The following DYNC1LI1 variants were observed in gnomAD, a reference collection of about 807,000 sequenced individuals.
DYNC1LI1 encodes dynein cytoplasmic 1 light intermediate chain 1.
A neutral mutation model predicts 63.8 loss-of-function variants in DYNC1LI1; 19 were observed. The ratio of observed to expected loss-of-function variants is 0.30; its 90% CI spans 0.21 to 0.44. The LOEUF (loss-of-function observed/expected upper bound fraction) is 0.44. DYNC1LI1 is among the 20% of genes least tolerant of loss of function. The pLI is 1.00. For synonymous variants in DYNC1LI1, 225 were observed against 232.3 expected (o/e 0.97, Z 0.28); for missense variants, 565 against 630.2 (o/e 0.90, Z 1.11).
At chr3:32,537,886 T>TAA (rs1371604922) in intron 5 of DYNC1LI1, among the ~76,000 whole-genome samples, 1 of 99,948 alleles carries the variant, frequency 1.0e-5, no homozygotes, top group Non-Finnish European at 1.8e-5. Context: ...TATATATATA[T>TAA]AATTTATATA....
chr3:32,555,789 AC>A (rs1418147244), intron 2 of DYNC1LI1, among the ~76,000 whole-genome samples: 1 of 152,240 alleles, frequency 6.6e-6, no homozygotes, highest in African/African-American at 2.4e-5. Context: ...GATATCTGCA[AC>A]TTACACTGAA....
At chr3:32,550,022 G>C (rs766134693) in intron 2 of DYNC1LI1, among the ~76,000 whole-genome samples, 1 of 152,130 alleles carries the variant, frequency 6.6e-6, no homozygotes, top group Non-Finnish European at 1.5e-5. Context: ...CTCTGATGGC[G>C]ATATTATGAG....
rs777014647 is a variant in DYNC1LI1 at position 32,533,005 on chromosome 3, G to A, written c.1061C>T (p.Thr354Ile). Residue 354 changes from threonine (T) to isoleucine (I), a missense_variant, in exon 8 of 13, where the codon ACT becomes ATT. By Grantham distance (89) the Thr-to-Ile change is moderately conservative (BLOSUM62 -1). Coordinates refer to ENST00000273130, the MANE Select transcript of DYNC1LI1 (RefSeq NM_016141.4). ...KAEDNFEDII[T>I]KPPVRKFVHE... ...GGTTACCTTTCGAACAGGTGGTTTA[G>A]TTATGATGTCTTCAAAATTATCTTC... 6.9e-6 allele frequency: 11 copies of A among 1,592,190 alleles called. No individual in the cohort carries two copies. In the South Asian group the frequency reaches 1.2e-4, roughly 17 times the overall value.
intron 2 of DYNC1LI1, among the ~76,000 whole-genome samples, chr3:32,567,531 TTTA>T (rs71295031): frequency 0.13 from 19,483 of 148,024 alleles, 1,322 homozygotes; most frequent in East Asian, 0.24. Flanking sequence ...TTTTATTTTA[TTTA>T]TTATTATTAT....
rs373301679 is a variant in DYNC1LI1, at chr3:32,545,801, T to C, written c.337+48A>G. 13 of 1,274,430 alleles carry C rather than the reference T, an allele frequency of 1.0e-5. No homozygotes were observed. In the African/African-American group the frequency reaches 1.3e-4, roughly 13 times the overall value. 78.9% of individuals were successfully genotyped at this position (1,274,430 alleles called of 1,614,324 possible). A position where few individuals can be genotyped will look rare whatever the true frequency, so the allele number is the denominator to read the frequency against. ...AATCAAAGACTAATGTGAATGGCAGTGCACCTCAAAATAGACTTCAGAAAT... is the reference window on the plus strand; with the variant it reads ...AATCAAAGACTAATGTGAATGGCAGCGCACCTCAAAATAGACTTCAGAAAT... On this transcript the variant is annotated intron_variant, in intron 3 of 12. Transcript: ENST00000273130.
chr3:32,542,992 A>G (rs546587535), intron 4 of DYNC1LI1, among the ~76,000 whole-genome samples: 1 of 152,316 alleles, frequency 6.6e-6, no homozygotes, highest in African/African-American at 2.4e-5. Flanking sequence ...AAATTTTATC[A>G]TGCACCAGAA....
At chr3:32,534,030 C>T (rs893984790) in intron 7 of DYNC1LI1, among the ~76,000 whole-genome samples, 1 of 152,006 alleles carries the variant, frequency 6.6e-6, no homozygotes, top group Non-Finnish European at 1.5e-5. Context: ...GTGTGCACCA[C>T]CACACCCGGG....
intron 7 of DYNC1LI1, among the ~76,000 whole-genome samples, chr3:32,533,416 G>T (rs1172021660): frequency 6.6e-6 from 1 of 152,180 alleles, no homozygotes; most frequent in African/African-American, 2.4e-5. Flanking sequence ...GGCAGGAGCT[G>T]AAGTGAGCCG....
chr3:32,532,029 A>T (rs986604944), intron 8 of DYNC1LI1: 2 of 152,182 alleles, frequency 1.3e-5, no homozygotes, highest in Non-Finnish European at 2.9e-5. Context: ...AGGGATAGTC[A>T]ATTTATTTAT....
intron 2 of DYNC1LI1, among the ~76,000 whole-genome samples, chr3:32,558,495 TC>T (rs1698146613): frequency 6.6e-6 from 1 of 151,300 alleles, no homozygotes; most frequent in Admixed American, 6.6e-5. Context: ...CTGCTTTATC[TC>T]CCTGATAGAT....
chr3:32,570,820 C>T lies in DYNC1LI1; in HGVS notation c.-50G>A, dbSNP rs1248847063. On this transcript the variant is annotated 5_prime_UTR_variant, in exon 1 of 13. Coordinates refer to ENST00000273130, the MANE Select transcript of DYNC1LI1 (RefSeq NM_016141.4). ...CGGCAAGACTAAATGTGCGAGGCGG[C>T]TGAGGCGGTGGCGGTGGAGGCGGCG... 4 of 1,563,182 alleles carry T rather than the reference C, an allele frequency of 2.6e-6. No homozygotes were observed. Among genetic ancestry groups the T allele is most frequent in the South Asian group, 1.2e-5 (1 of 86,542 alleles).
Position 32,530,441 on chromosome 3 carries a change from C to T in DYNC1LI1, c.1140+20G>A. 6.2e-7 allele frequency: 1 copy of T among 1,611,478 alleles called. No individual in the cohort carries two copies. On this transcript the variant is annotated intron_variant, in intron 9 of 12. Transcript: ENST00000273130. ...TTACCCATTAACCATACTAAGTCTGCTTCTGATATAATTTCATACCTGTAG... is the reference window on the plus strand; with the variant it reads ...TTACCCATTAACCATACTAAGTCTGTTTCTGATATAATTTCATACCTGTAG...
chr3:32,537,201 A>G, intron 5 of DYNC1LI1, 97 bp from the exon 6 acceptor site: 1 of 624,102 alleles, frequency 1.6e-6, no homozygotes, highest in Admixed American at 3.7e-5. Context: ...GAACATCATA[A>G]AAGTACCACT....
chr3:32,530,229 A>C, intron 10 of DYNC1LI1, 55 bp downstream of exon 10: 1 of 1,411,856 alleles, frequency 7.1e-7, no homozygotes, highest in Non-Finnish European at 9.6e-7. Flanking sequence ...ATAAAAAATA[A>C]CTAAAATAAT....
rs1193495010 is a variant in DYNC1LI1, at chr3:32,533,032, G to A, written c.1034C>T (p.Ala345Val). The A allele has an allele frequency of 1.2e-6, 2 of 1,601,374 alleles. No individual in the cohort carries two copies. The highest frequency in any genetic ancestry group is 1.7e-6 in the Non-Finnish European group (2 of 1,176,698). ...TATGATGTCTTCAAAATTATCTTCT[G>A]CTTTTAATGTTTGAAAATTTTCATG... ...ILHENFQTLK[A>V]EDNFEDIITK... is the part of the protein sequence containing the mutation. The change falls in exon 8 of 13, where the codon GCA becomes GTA. Residue 345 changes from alanine (A) to valine (V), a missense_variant. By Grantham distance (64) the Ala-to-Val change is moderately conservative. Coordinates refer to ENST00000273130, the MANE Select transcript of DYNC1LI1 (RefSeq NM_016141.4).
At chr3:32,552,092 A>G (rs1311825675) in intron 2 of DYNC1LI1, among the ~76,000 whole-genome samples, 2 of 152,182 alleles carry the variant, frequency 1.3e-5, no homozygotes, top group East Asian at 3.9e-4. Context: ...TGACTTACAT[A>G]ATTAATATAA....
chr3:32,526,846 CTG>C lies in DYNC1LI1; in HGVS notation c.1523_1524del (p.Thr508SerfsTer70). On this transcript the variant is annotated frameshift_variant, in exon 13 of 13. Coordinates refer to ENST00000273130, the MANE Select transcript of DYNC1LI1 (RefSeq NM_016141.4). LOFTEE classifies it high-confidence loss of function. ...GGAGATGTAGGTGTTGTGGGAGAAACTGTAACTGGTTTTCGTGTAATTCTGTC... is the reference window on the plus strand; with the variant it reads ...GGAGATGTAGGTGTTGTGGGAGAAACTAACTGGTTTTCGTGTAATTCTGTC... ...ELDRITRKPVTVSPTTPTSPT... is the reference protein window; with the variant it reads ...ELDRITRKPVXVSPTTPTSPT... 1 of 1,614,008 alleles carries C rather than the reference CTG, an allele frequency of 6.2e-7. No individual in the cohort carries two copies.
intron 2 of DYNC1LI1, among the ~76,000 whole-genome samples, chr3:32,548,094 T>C (rs1697981155): frequency 6.6e-6 from 1 of 151,940 alleles, no homozygotes; most frequent in African/African-American, 2.4e-5. Flanking sequence ...TATGCAACAA[T>C]ATGAATGAAC....
At chr3:32,551,322 T>A (rs1345307452) in intron 2 of DYNC1LI1, among the ~76,000 whole-genome samples, 2 of 151,904 alleles carry the variant, frequency 1.3e-5, no homozygotes, top group Non-Finnish European at 2.9e-5. Context: ...TAAGAACACA[T>A]GAAAAAAGCA....
Sources: allele counts gnomAD v4.1 joint callset (sites outside exome capture counted in the v4.1 genomes callset), GRCh38; gene constraint gnomAD v4.1.1; transcripts MANE v1.5; gene names NCBI Gene and HGNC (gene_info 2026-07-23, HGNC 2026-07-21).